Variants in ZNHIT6 observed in about 807,000 individuals in gnomAD.
ZNHIT6 encodes box C/D snoRNA protein 1.
In ZNHIT6, 45 loss-of-function variants were observed where a neutral mutation model predicts 57.2. The observed-to-expected ratio is 0.79, with a 90% confidence interval of 0.62 to 1.01. The LOEUF (loss-of-function observed/expected upper bound fraction) is 1.01. ZNHIT6 is among the 50% of genes least tolerant of loss of function. The pLI, the probability that ZNHIT6 is intolerant of heterozygous loss-of-function variation, is 0.00. For synonymous variants in ZNHIT6, 188 were observed against 190.0 expected (o/e 0.99, Z 0.09); for missense variants, 528 against 567.3 (o/e 0.93, Z 0.70).
At chr1:85,700,910 G>A (rs1312700684) in intron 5 of ZNHIT6, among the ~76,000 whole-genome samples, 1 of 152,192 alleles carries the variant, frequency 6.6e-6, no homozygotes, top group Non-Finnish European at 1.5e-5. Flanking sequence ...GTGCTCAAGG[G>A]ATGCTCCCAC....
At chr1:85,688,292 T>C (rs541316131) in intron 5 of ZNHIT6, among the ~76,000 whole-genome samples, 1 of 152,272 alleles carries the variant, frequency 6.6e-6, no homozygotes, top group African/African-American at 2.4e-5. Flanking sequence ...CCAAGGTCAT[T>C]ATTCAGCTGG....
chr1:85,694,698 G>A (rs1162602866), intron 5 of ZNHIT6, among the ~76,000 whole-genome samples: 1 of 152,172 alleles, frequency 6.6e-6, no homozygotes, highest in East Asian at 1.9e-4. Flanking sequence ...CTGACCTCGT[G>A]ATCCGCCCGC....
At chr1:85,680,070 A>G (rs1661827341) in intron 6 of ZNHIT6, among the ~76,000 whole-genome samples, 7 of 151,838 alleles carry the variant, frequency 4.6e-5, no homozygotes, top group Admixed American at 4.6e-4. Context: ...GCTGGGCGTG[A>G]TGGCCTGAGC....
At chr1:85,704,814 A>G (rs1281980764) in intron 4 of ZNHIT6, among the ~76,000 whole-genome samples, 1 of 152,218 alleles carries the variant, frequency 6.6e-6, no homozygotes, top group Non-Finnish European at 1.5e-5. Flanking sequence ...AATGAACACA[A>G]TTCCAGGATA....
At chr1:85,705,236 C>T (rs1270338267) in intron 4 of ZNHIT6, among the ~76,000 whole-genome samples, 1 of 152,052 alleles carries the variant, frequency 6.6e-6, no homozygotes, top group Non-Finnish European at 1.5e-5. Context: ...TCTTTTGAGA[C>T]AGAGTCTCAC....
Position 85,678,723 on chromosome 1 carries a change from A to T in ZNHIT6, c.1147T>A (p.Ser383Thr). 6.3e-7 allele frequency: 1 copy of T among 1,591,916 alleles called. No individual in the cohort carries two copies. The highest frequency in any genetic ancestry group is 8.6e-7 in the Non-Finnish European group (1 of 1,168,598). ...TACCTTTGACGAATTACAGGATCAG[A>T]CTTTTCAGGATCAATGTAAGGTTTT... is the stretch of plus-strand genomic sequence containing the variant. Reference protein sequence around the residue: ...ILKPYIDPEKSDPVIRQRLKA... With the variant: ...ILKPYIDPEKTDPVIRQRLKA... The change falls in exon 7 of 10, where the codon TCT becomes ACT. Residue 383 changes from serine to threonine, a missense_variant. Transcript: ENST00000370574.
chr1:85,680,467 A>G (rs1570309421), intron 6 of ZNHIT6, among the ~76,000 whole-genome samples: 1 of 152,174 alleles, frequency 6.6e-6, no homozygotes, highest in Admixed American at 6.5e-5. Flanking sequence ...CCCTCTCCTC[A>G]ATACTTGCTT....
rs200416147 is a variant in ZNHIT6, at chr1:85,677,234, A to G, written c.1247+2T>C. On this transcript the variant is annotated splice_donor_variant, in intron 8 of 9. Coordinates refer to ENST00000370574, the MANE Select transcript of ZNHIT6 (RefSeq NM_017953.4). LOFTEE classifies it high-confidence loss of function. ...AAGAAATGGGGAGGGGAGCAATTTT[A>G]CCTTACTAAATTTTGCTGCATATAT... The G allele has an allele frequency of 6.3e-7, 1 of 1,596,280 alleles. No individual in the cohort carries two copies. The highest frequency in any genetic ancestry group is 1.8e-5 in the Admixed American group (1 of 56,048).
chr1:85,678,680 T>G (rs1661775540), intron 7 of ZNHIT6, 21 bp downstream of exon 7: 1 of 1,472,026 alleles, frequency 6.8e-7, no homozygotes, highest in Non-Finnish European at 9.4e-7. Context: ...TTCAGAAAGT[T>G]ACAATATTTT....
Position 85,651,632 on chromosome 1 carries a change from C to A in ZNHIT6, c.*2426G>T, listed in dbSNP as rs1660914062. 1 of 152,188 alleles carries A rather than the reference C, an allele frequency of 6.6e-6. No homozygotes were observed. The highest frequency in any genetic ancestry group is 2.4e-5 in the African/African-American group (1 of 41,436). The allele number at this position is 152,188 out of a possible 1,614,324, so 9.4% of individuals were successfully genotyped here. ...TAATTAGCAATTATGAAAGGCCTAT[C>A]TTCTCTTTGAAATCACTGTTTAAAA... is the stretch of plus-strand genomic sequence containing the variant. On this transcript the variant is annotated 3_prime_UTR_variant, in exon 10 of 10. Transcript: ENST00000370574.
chr1:85,664,756 T>C (rs1275507377), intron 8 of ZNHIT6, among the ~76,000 whole-genome samples: 1 of 152,048 alleles, frequency 6.6e-6, no homozygotes, highest in Non-Finnish European at 1.5e-5. Context: ...TCTGTACACG[T>C]ACCCCTGAAC....
chr1:85,667,979 T>TATATATAC (rs1192077991), intron 8 of ZNHIT6, among the ~76,000 whole-genome samples: 4 of 74,418 alleles, frequency 5.4e-5, no homozygotes, highest in African/African-American at 2.7e-4. Context: ...TATATATATA[T>TATATATAC]ATATATGCTC....
chr1:85,672,893 A>G (rs1233116586), intron 8 of ZNHIT6, among the ~76,000 whole-genome samples: 1 of 152,188 alleles, frequency 6.6e-6, no homozygotes, highest in African/African-American at 2.4e-5. Context: ...AAATAATTCC[A>G]TAAAAGTAAA....
intron 5 of ZNHIT6, among the ~76,000 whole-genome samples, chr1:85,699,738 G>A (rs993040156): frequency 2.0e-5 from 3 of 152,010 alleles, no homozygotes; most frequent in African/African-American, 7.2e-5. Context: ...AAAAAGTCAG[G>A]TAAGCACACA....
At chr1:85,658,786 G>A (rs1223556920) in intron 8 of ZNHIT6, among the ~76,000 whole-genome samples, 5 of 151,902 alleles carry the variant, frequency 3.3e-5, no homozygotes, top group African/African-American at 1.2e-4. Flanking sequence ...TGGGAGAATC[G>A]CTTGAATCCA....
intron 8 of ZNHIT6, among the ~76,000 whole-genome samples, chr1:85,659,083 C>G (rs1181853177): frequency 1.3e-5 from 2 of 152,084 alleles, no homozygotes; most frequent in Non-Finnish European, 2.9e-5. Context: ...CTAATTATAA[C>G]TGGTTTCCAG....
intron 8 of ZNHIT6, among the ~76,000 whole-genome samples, chr1:85,674,049 C>T (rs1661635886): frequency 6.6e-6 from 1 of 152,138 alleles, no homozygotes; most frequent in Non-Finnish European, 1.5e-5. Flanking sequence ...AAGAAAGCTA[C>T]CTCAACAGGA....
intron 5 of ZNHIT6, among the ~76,000 whole-genome samples, chr1:85,697,953 C>A (rs1171117245): frequency 6.6e-6 from 1 of 151,898 alleles, no homozygotes; most frequent in African/African-American, 2.4e-5. Flanking sequence ...AGCTATAGAC[C>A]CTACAAAGAG....
intron 5 of ZNHIT6, among the ~76,000 whole-genome samples, chr1:85,693,757 G>A (rs1005743209): frequency 2.6e-5 from 4 of 152,122 alleles, no homozygotes; most frequent in African/African-American, 4.8e-5. Context: ...AGAAGTCAAC[G>A]GAATATATAA....
Sources: allele counts gnomAD v4.1 joint callset (sites outside exome capture counted in the v4.1 genomes callset), GRCh38; gene constraint gnomAD v4.1.1; transcripts MANE v1.5; gene names NCBI Gene and HGNC (gene_info 2026-07-23, HGNC 2026-07-21).